The following FGGY variants were observed in gnomAD, a reference collection of about 807,000 sequenced individuals.
FGGY encodes FGGY carbohydrate kinase domain containing, also known as FGGY carbohydrate kinase domain-containing protein.
FGGY carries 72 observed loss-of-function variants against 71.3 expected under a neutral mutation model. That is an observed-to-expected ratio of 1.01 (90% CI 0.84 to 1.23). FGGY has a LOEUF of 1.23. FGGY is among the 50% of genes most tolerant of loss of function. The probability of loss-of-function intolerance (pLI) is 0.00; values close to 1 mark genes in which losing one functional copy is unlikely to be tolerated. For synonymous variants in FGGY, 251 were observed against 250.3 expected (o/e 1.00, Z -0.02); for missense variants, 668 against 682.3 (o/e 0.98, Z 0.23).
At chr1:59,740,717 C>G (rs1262222273) in intron 14 of FGGY, among the ~76,000 whole-genome samples, 2 of 152,244 alleles carry the variant, frequency 1.3e-5, no homozygotes, top group African/African-American at 4.8e-5. Flanking sequence ...TCATCTCCTA[C>G]TGCCTCTAAC....
intron 7 of FGGY, among the ~76,000 whole-genome samples, chr1:59,542,445 CTTTTT>C (rs754831417): frequency 1.5e-3 from 52 of 34,240 alleles, no homozygotes; most frequent in African/African-American, 5.2e-3. Flanking sequence ...ATGTTCTTTA[CTTTTT>C]TTTTTTTTTT....
At chr1:59,500,998 C>A (rs144189021) in intron 6 of FGGY, among the ~76,000 whole-genome samples, 546 of 152,292 alleles carry the variant, frequency 3.6e-3, no homozygotes, top group Admixed American at 9.6e-3. Flanking sequence ...CTGATGTCTT[C>A]AGATCACCAG....
intron 4 of FGGY, among the ~76,000 whole-genome samples, chr1:59,347,454 T>A (rs1447833698): frequency 6.6e-6 from 1 of 152,120 alleles, no homozygotes; most frequent in African/African-American, 2.4e-5. Context: ...CTGCATATTA[T>A]TCCATGGTGT....
intron 6 of FGGY, among the ~76,000 whole-genome samples, chr1:59,485,795 GTCTT>G (rs1422015681): frequency 6.6e-6 from 1 of 152,124 alleles, no homozygotes; most frequent in African/African-American, 2.4e-5. Flanking sequence ...TCATTCAACA[GTCTT>G]TCTAAGAGAC....
At chr1:59,482,516 A>G (rs2093512783) in intron 6 of FGGY, among the ~76,000 whole-genome samples, 2 of 151,620 alleles carry the variant, frequency 1.3e-5, no homozygotes, top group African/African-American at 2.4e-5. Context: ...AATCTTGACT[A>G]TTATTTCCCA....
chr1:59,691,644 T>TTC (rs1425800468), intron 14 of FGGY, among the ~76,000 whole-genome samples: 26 of 149,916 alleles, frequency 1.7e-4, no homozygotes, highest in African/African-American at 6.3e-4. Context: ...TTCTTTTCTT[T>TTC]TTTTTTTTTT....
At chr1:59,697,011 C>A (rs1198670852) in intron 14 of FGGY, among the ~76,000 whole-genome samples, 1 of 152,106 alleles carries the variant, frequency 6.6e-6, no homozygotes, top group Non-Finnish European at 1.5e-5. Context: ...CCCTTTACCT[C>A]CAGATGTACT....
intron 4 of FGGY, among the ~76,000 whole-genome samples, chr1:59,360,066 CATTTTACCG>C (rs1406693666): frequency 6.6e-6 from 1 of 151,904 alleles, no homozygotes; most frequent in Non-Finnish European, 1.5e-5. Context: ...GTCTCTCTCT[CATTTTACCG>C]ATTAATTATT....
In FGGY at chr1:59,321,708, G is replaced by A. The variant is rs1282767156; in HGVS notation, c.159G>A (p.Gln53=). ...AGCCCCAGTTCAACCACCATGAGCAGTCCTCCGAGGACATCTGGGCTGCGT... is the reference window on the plus strand; with the variant it reads ...AGCCCCAGTTCAACCACCATGAGCAATCCTCCGAGGACATCTGGGCTGCGT... ...NWEPQFNHHE[Q]SSEDIWAACC... is the part of the protein sequence containing the mutation. The change falls in exon 2 of 16, where the codon CAG becomes CAA. Residue 53 remains glutamine (Q), a synonymous_variant. Coordinates refer to ENST00000303721, the MANE Select transcript of FGGY (RefSeq NM_018291.5). 13 of 1,612,684 alleles carry A rather than the reference G, an allele frequency of 8.1e-6. No homozygotes were observed. The highest frequency in any genetic ancestry group is 1.3e-5 in the African/African-American group (1 of 74,914).
intron 5 of FGGY, among the ~76,000 whole-genome samples, chr1:59,422,782 G>T (rs1329063856): frequency 1.3e-5 from 2 of 151,794 alleles, no homozygotes; most frequent in Non-Finnish European, 2.9e-5. Context: ...ATTAATAAAT[G>T]GCAAATACTA....
intron 7 of FGGY, among the ~76,000 whole-genome samples, chr1:59,525,150 A>G (rs6703394): frequency 0.34 from 52,161 of 152,180 alleles, 9,469 homozygotes; most frequent in Middle Eastern, 0.54. Context: ...TGGAGCTGGC[A>G]CCTGTGCCAG....
At chr1:59,694,461 C>T (rs967506856) in intron 14 of FGGY, among the ~76,000 whole-genome samples, 4 of 151,940 alleles carry the variant, frequency 2.6e-5, no homozygotes, top group Non-Finnish European at 5.9e-5. Context: ...TCTACATAGC[C>T]TTTTTTGTCA....
chr1:59,352,007 T>C (rs2053404744), intron 4 of FGGY, among the ~76,000 whole-genome samples: 1 of 152,160 alleles, frequency 6.6e-6, no homozygotes, highest in Non-Finnish European at 1.5e-5. Flanking sequence ...TCATTTAAAG[T>C]TTATGTGTTT....
intron 5 of FGGY, among the ~76,000 whole-genome samples, chr1:59,454,443 G>A (rs747391982): frequency 6.6e-6 from 1 of 152,136 alleles, no homozygotes; most frequent in African/African-American, 2.4e-5. Context: ...TTAAAAAACC[G>A]TGAATAATTT....
At chr1:59,494,655 G>A (rs780435314) in intron 6 of FGGY, among the ~76,000 whole-genome samples, 38 of 152,106 alleles carry the variant, frequency 2.5e-4, no homozygotes, top group South Asian at 1.0e-3. Flanking sequence ...TATAGCAGAT[G>A]GTAGGTTGTA....
chr1:59,667,428 G>A (rs776722369), intron 13 of FGGY, 25 bp downstream of exon 13: 1 of 1,611,440 alleles, frequency 6.2e-7, no homozygotes, highest in Non-Finnish European at 8.5e-7. Flanking sequence ...GAGGAGAGAA[G>A]GTCACTTTTT....
chr1:59,310,153 C>T (rs1267624832), intron 1 of FGGY: 4 of 151,784 alleles, frequency 2.6e-5, no homozygotes, highest in Admixed American at 6.6e-5. Flanking sequence ...CTGAATTTGC[C>T]GAGATCTTAC....
chr1:59,322,520 C>A (rs1046940379), intron 2 of FGGY, among the ~76,000 whole-genome samples: 2 of 152,102 alleles, frequency 1.3e-5, no homozygotes, highest in African/African-American at 4.8e-5. Context: ...CACTCTTAAC[C>A]ATTGGACTCT....
chr1:59,312,011 G>A (rs2044432278), intron 1 of FGGY, among the ~76,000 whole-genome samples: 1 of 152,198 alleles, frequency 6.6e-6, no homozygotes, highest in South Asian at 2.1e-4. Context: ...GTGATGTTGA[G>A]CTTTTTAAAA....
Sources: gnomAD v4.1 joint callset for allele counts (sites outside exome capture counted in the v4.1 genomes callset) on GRCh38, gnomAD v4.1.1 for gene constraint, MANE v1.5 for transcripts, NCBI Gene and HGNC (gene_info 2026-07-23, HGNC 2026-07-21) for gene names.